The following INSL6 variants were observed in gnomAD, a reference collection of about 807,000 sequenced individuals.
The protein encoded by INSL6 is insulin-like peptide INSL6.
INSL6 carries 16 observed loss-of-function variants against 9.4 expected under a neutral mutation model. That is an observed-to-expected ratio of 1.70 (90% CI 1.15 to 2.59). INSL6 has a LOEUF of 2.59. Ranked by LOEUF, INSL6 falls within the 30% of genes most tolerant of loss-of-function variation. The pLI, the probability that INSL6 is intolerant of heterozygous loss-of-function variation, is 0.00. For synonymous variants in INSL6, 154 were observed against 96.9 expected, an observed-to-expected ratio of 1.59 and a Z score of -3.46; for missense variants, 391 against 257.3, an observed-to-expected ratio of 1.52 and a Z score of -3.56.
intron 2 of INSL6, among the ~76,000 whole-genome samples, chr9:5,144,352 C>CT (rs1460079807): frequency 2.6e-5 from 4 of 152,178 alleles, no homozygotes; most frequent in Non-Finnish European, 5.9e-5. Context: ...TTTTATGGCA[C>CT]TGTGGTACGA....
the INSL6 span, among the ~76,000 whole-genome samples, chr9:5,065,879 A>G: frequency 6.6e-6 from 1 of 152,192 alleles, no homozygotes; most frequent in South Asian, 2.1e-4. Context: ...TGGGTAATAT[A>G]AAGAGTTGAT....
At chr9:5,029,864 A>G in the INSL6 span, 2 of 1,612,540 alleles carry the variant, frequency 1.2e-6, no homozygotes, top group Admixed American at 3.3e-5. Flanking sequence ...CATGTCTTCC[A>G]TATAGATGAG....
the INSL6 span, among the ~76,000 whole-genome samples, chr9:5,010,446 G>A: frequency 3.6e-3 from 542 of 151,812 alleles, 3 homozygotes; most frequent in African/African-American, 0.012. Flanking sequence ...TCAGCCTCCC[G>A]TGTAGCTGGG....
intron 3 of INSL6, chr9:5,126,757 G>C (rs775495966): frequency 1.9e-6 from 3 of 1,610,108 alleles, no homozygotes; most frequent in Non-Finnish European, 1.7e-6. Flanking sequence ...CTAGCTCTTC[G>C]AGTGGATCAA....
chr9:5,112,752 A>T, the INSL6 span: 2 of 671,344 alleles, frequency 3.0e-6, no homozygotes, highest in Non-Finnish European at 4.6e-6. Context: ...AAACGGCGAG[A>T]AGAGAAGGTG....
chr9:5,001,488 T>C, the INSL6 span, among the ~76,000 whole-genome samples: 5 of 152,192 alleles, frequency 3.3e-5, no homozygotes, highest in Admixed American at 6.5e-5. Flanking sequence ...GTAAATTGCA[T>C]TGATTCATTT....
At chr9:5,112,345 C>A in the INSL6 span, 1 of 333,240 alleles carries the variant, frequency 3.0e-6, no homozygotes, top group Non-Finnish European at 5.7e-6. Context: ...CTTGGCCTTC[C>A]GACTCCTGCA....
chr9:5,111,573 A>T, the INSL6 span: 1 of 362,110 alleles, frequency 2.8e-6, no homozygotes, highest in Non-Finnish European at 5.4e-6. Flanking sequence ...GGCAGCCTGC[A>T]CCCCTAAGCC....
At chr9:5,041,436 T>C in the INSL6 span, 1 of 623,058 alleles carries the variant, frequency 1.6e-6, no homozygotes, top group Non-Finnish European at 3.1e-6. Flanking sequence ...ATGTACTTCC[T>C]GTGCAGCAGC....
chr9:5,001,351 A>C, the INSL6 span, among the ~76,000 whole-genome samples: 8 of 152,140 alleles, frequency 5.3e-5, no homozygotes, highest in Non-Finnish European at 1.5e-5. Flanking sequence ...TTTATTGAGG[A>C]AATTCCCTTC....
At chr9:5,070,880 C>T in the INSL6 span, among the ~76,000 whole-genome samples, 1 of 152,066 alleles carries the variant, frequency 6.6e-6, no homozygotes, top group South Asian at 2.1e-4. Context: ...TTAAAAGGGC[C>T]AGGTCTCAGA....
intron 2 of INSL6, among the ~76,000 whole-genome samples, chr9:5,149,127 C>T (rs1245605743): frequency 6.6e-6 from 1 of 152,154 alleles, no homozygotes; most frequent in Non-Finnish European, 1.5e-5. Flanking sequence ...CTGGGGAGAT[C>T]CCCCTGCCAC....
At chr9:5,032,737 C>G in the INSL6 span, among the ~76,000 whole-genome samples, 1 of 152,100 alleles carries the variant, frequency 6.6e-6, no homozygotes, top group Non-Finnish European at 1.5e-5. Flanking sequence ...ACACCAAAAC[C>G]CCATCTGTAT....
At chr9:5,143,123 T>C (rs1824534773) in intron 2 of INSL6, among the ~76,000 whole-genome samples, 1 of 152,212 alleles carries the variant, frequency 6.6e-6, no homozygotes, top group Non-Finnish European at 1.5e-5. Context: ...TGTACTGATG[T>C]TCATCAAGGA....
the INSL6 span, chr9:5,070,079 C>G: frequency 6.6e-7 from 1 of 1,517,770 alleles, no homozygotes; most frequent in Non-Finnish European, 9.0e-7. Context: ...TCATTACTGT[C>G]TTTTTTGTCC....
the INSL6 span, among the ~76,000 whole-genome samples, chr9:5,054,389 T>C: frequency 6.6e-6 from 1 of 151,960 alleles, no homozygotes; most frequent in Non-Finnish European, 1.5e-5. The surrounding 1 kb of genome is among the most constrained non-coding windows in gnomAD (Gnocchi z 4.9). Context: ...TCAAACAAAA[T>C]CTTAAAGTTT....
chr9:5,086,005 G>C, the INSL6 span: 644 of 839,366 alleles, frequency 7.7e-4, 1 homozygote, highest in African/African-American at 9.6e-3. Context: ...TGATGAAACT[G>C]TGATATACTA....
chr9:5,183,995 G>C (rs12005718), intron 1 of INSL6, among the ~76,000 whole-genome samples: 1 of 152,122 alleles, frequency 6.6e-6, no homozygotes, highest in Admixed American at 6.5e-5. Flanking sequence ...AGACTGGGGA[G>C]AGACACTTCC....
chr9:5,172,057 G>A lies in INSL6; in HGVS notation c.290-7792C>T, dbSNP rs535056573. On this transcript the variant is annotated intron_variant, in intron 1 of 1. Transcript: ENST00000381641. ...CTAAGCAAAAAGAACAAAGCTGAAG[G>A]GAGGCATCACACTACTGGACTTCAA... Among the ~76,000 whole-genome samples, 234 of 152,166 alleles carry A rather than the reference G, an allele frequency of 1.5e-3. 3 individuals are homozygous for A. The highest frequency in any genetic ancestry group is 2.0e-3 in the Non-Finnish European group (133 of 68,002).
Sources: allele counts gnomAD v4.1 joint callset (sites outside exome capture counted in the v4.1 genomes callset), GRCh38; gene constraint gnomAD v4.1.1; non-coding constraint Gnocchi (gnomAD v3.1); transcripts MANE v1.5; gene names NCBI Gene and HGNC (gene_info 2026-07-23, HGNC 2026-07-21).